The following PCDH17 variants were observed in gnomAD, a reference collection of about 807,000 sequenced individuals.
PCDH17 encodes the protein protocadherin 17, also known as protocadherin-17.
PCDH17 carries 21 observed loss-of-function variants against 67.7 expected under a neutral mutation model. That is an observed-to-expected ratio of 0.31 (90% confidence interval 0.22 to 0.45). PCDH17 has a LOEUF of 0.45. Among genes scored for constraint, PCDH17 ranks in the 20% least tolerant of loss-of-function variants. The pLI, the probability that PCDH17 is intolerant of heterozygous loss-of-function variation, is 1.00. For synonymous variants in PCDH17, 701 were observed against 656.7 expected, an observed-to-expected ratio of 1.07 and a Z score of -1.03; for missense variants, 1,471 against 1,564.8, an observed-to-expected ratio of 0.94 and a Z score of 1.01.
chr13:57,720,576 G>A (rs1001781813), intron 3 of PCDH17, among the ~76,000 whole-genome samples: 2 of 151,982 alleles, frequency 1.3e-5, no homozygotes, highest in Middle Eastern at 6.8e-3. Context: ...AGAACTTCCT[G>A]TGATTCACCT....
intron 1 of PCDH17, among the ~76,000 whole-genome samples, chr13:57,648,606 C>G (rs191465106): frequency 2.1e-3 from 312 of 152,050 alleles, no homozygotes; most frequent in Middle Eastern, 0.01. Context: ...AATCTTGGAT[C>G]TGCTTAAAAG....
intron 3 of PCDH17, among the ~76,000 whole-genome samples, chr13:57,706,316 A>G (rs1955721053): frequency 6.6e-6 from 1 of 152,140 alleles, no homozygotes; most frequent in Non-Finnish European, 1.5e-5. Context: ...GAACCATAAA[A>G]TGGAAGACAA....
chr13:57,678,126 A>ACT (rs1174624547), intron 3 of PCDH17, among the ~76,000 whole-genome samples: 1 of 143,962 alleles, frequency 6.9e-6, no homozygotes, highest in Non-Finnish European at 1.5e-5. Context: ...TAACTATTTC[A>ACT]CTCTCTCTCT....
intron 3 of PCDH17, among the ~76,000 whole-genome samples, chr13:57,684,641 T>C (rs1226793839): frequency 2.0e-5 from 3 of 151,998 alleles, no homozygotes; most frequent in African/African-American, 7.2e-5. Flanking sequence ...CCATCATTTT[T>C]AAAATGTTGA....
chr13:57,643,138 T>C (rs566437489), intron 1 of PCDH17, among the ~76,000 whole-genome samples: 2 of 151,754 alleles, frequency 1.3e-5, no homozygotes, highest in South Asian at 4.1e-4. Context: ...TATGTATTAC[T>C]GAATTTATAA....
intron 1 of PCDH17, among the ~76,000 whole-genome samples, chr13:57,641,571 AAAAAAAAAAAAAAAAAATATATAT>A (rs1215954703): frequency 2.7e-3 from 90 of 33,080 alleles, no homozygotes; most frequent in Middle Eastern, 0.036. Flanking sequence ...AAAAAAAAAA[AAAAAAAAAAAAAAAAAATATATAT>A]ATATATATAT....
intron 3 of PCDH17, among the ~76,000 whole-genome samples, chr13:57,669,311 T>G (rs1020616582): frequency 1.3e-5 from 2 of 152,048 alleles, no homozygotes; most frequent in African/African-American, 4.8e-5. Flanking sequence ...AATTAGAGCC[T>G]GCCTTTAAGT....
chr13:57,659,131 G>A lies in PCDH17; in HGVS notation c.2566-7337G>A, dbSNP rs61961868. On this transcript the variant is annotated intron_variant, in intron 1 of 3. Transcript: ENST00000377918. ...TGTGTGTGTGTGTGTGTGTGTGTGT[G>A]TATACACACACACTCACATATATAA... is the stretch of plus-strand genomic sequence containing the variant. 3.6e-3 allele frequency among the ~76,000 whole-genome samples: 536 copies of A among 150,694 alleles called. 3 individuals carry two copies. The highest frequency in any genetic ancestry group is 4.7e-3 in the East Asian group (24 of 5,108).
At chr13:57,642,988 T>G (rs1954922612) in intron 1 of PCDH17, among the ~76,000 whole-genome samples, 1 of 151,622 alleles carries the variant, frequency 6.6e-6, no homozygotes, top group East Asian at 1.9e-4. Flanking sequence ...TTAAAAATCA[T>G]AGTCCCCAAT....
intron 3 of PCDH17, among the ~76,000 whole-genome samples, chr13:57,670,571 A>AAT: frequency 1.3e-5 from 2 of 149,896 alleles, no homozygotes; most frequent in East Asian, 1.9e-4. Context: ...ATAATTTAAA[A>AAT]ATATATATAT....
intron 3 of PCDH17, among the ~76,000 whole-genome samples, chr13:57,720,336 C>T (rs1001804658): frequency 1.3e-5 from 2 of 151,896 alleles, no homozygotes; most frequent in Non-Finnish European, 2.9e-5. Context: ...TTGATCTAAT[C>T]ATAGGTTTTG....
chr13:57,728,517 T>TAAAAAAAAAAA lies in PCDH17; in HGVS notation c.*3236_*3246dup, dbSNP rs146333612. Reference sequence around the variant, plus strand: ...TTCTAAAAATTGCTTGCAGATGAGCTAAAAAAAAAAAAAAAAAAAAAAAGC... The same window carrying TAAAAAAAAAAA: ...TTCTAAAAATTGCTTGCAGATGAGCTAAAAAAAAAAAAAAAAAAAAAAAAAAAAAAAAAAGC... On this transcript the variant is annotated 3_prime_UTR_variant, in exon 4 of 4. Coordinates refer to ENST00000377918, the MANE Select transcript of PCDH17 (RefSeq NM_001040429.3). The TAAAAAAAAAAA allele has an allele frequency of 2.0e-4, 14 of 70,798 alleles. No individual in the cohort carries two copies. Among genetic ancestry groups the TAAAAAAAAAAA allele is most frequent in the Admixed American group, 3.5e-4 (2 of 5,796 alleles). The allele number at this position is 70,798 out of a possible 1,614,324, so 4.4% of individuals were successfully genotyped here. A position where few individuals can be genotyped will look rare whatever the true frequency, so the allele number is the denominator to read the frequency against.
At chr13:57,709,191 T>C (rs1285003011) in intron 3 of PCDH17, among the ~76,000 whole-genome samples, 2 of 151,566 alleles carry the variant, frequency 1.3e-5, no homozygotes, top group African/African-American at 4.8e-5. Flanking sequence ...TTACAAATAG[T>C]GTCTTGTTTC....
intron 3 of PCDH17, among the ~76,000 whole-genome samples, chr13:57,689,917 T>C (rs2138060009): frequency 6.6e-6 from 1 of 151,970 alleles, no homozygotes; most frequent in East Asian, 1.9e-4. Context: ...TAATATACTG[T>C]TAAAGATATG....
At chr13:57,689,224 G>A (rs1398109187) in intron 3 of PCDH17, among the ~76,000 whole-genome samples, 1 of 152,040 alleles carries the variant, frequency 6.6e-6, no homozygotes, top group Non-Finnish European at 1.5e-5. Flanking sequence ...AGGGGAATAT[G>A]TCATTCTAGT....
chr13:57,705,892 G>T (rs1440109611), intron 3 of PCDH17, among the ~76,000 whole-genome samples: 3 of 151,942 alleles, frequency 2.0e-5, no homozygotes, highest in Non-Finnish European at 4.4e-5. Context: ...GCGCATGCCT[G>T]TAATCCCAGC....
Position 57,725,541 on chromosome 13 carries a change from G to T in PCDH17, c.*247G>T. The T allele has an allele frequency of 2.6e-6, 1 of 386,220 alleles. No homozygotes were observed. The highest frequency in any genetic ancestry group is 4.6e-6 in the Non-Finnish European group (1 of 217,136). The allele number at this position is 386,220 out of a possible 1,614,324, so 23.9% of individuals were successfully genotyped here. A position where few individuals can be genotyped will look rare whatever the true frequency, so the allele number is the denominator to read the frequency against. ...GAATTAATGATGCTTAAAGAGAAAA[G>T]AAAAAAAGAGAGAAGAAAAAGGAGA... On this transcript the variant is annotated 3_prime_UTR_variant, in exon 4 of 4. Coordinates refer to ENST00000377918, the MANE Select transcript of PCDH17 (RefSeq NM_001040429.3).
intron 3 of PCDH17, among the ~76,000 whole-genome samples, chr13:57,717,959 A>G (rs1955836256): frequency 6.6e-6 from 1 of 151,938 alleles, no homozygotes; most frequent in Admixed American, 6.6e-5. Flanking sequence ...TCATTATATC[A>G]CTGCCAACAT....
rs752526754 is a variant in PCDH17 at position 57,633,450 on chromosome 13, C to T, written c.904C>T (p.Leu302=). Residue 302 remains leucine (L), a synonymous_variant, in exon 1 of 4, where the codon CTA becomes TTA. Transcript: ENST00000377918. The surrounding 1 kb of genome is among the most constrained non-coding windows in gnomAD (Gnocchi z 6.2). ...ELFSIDPKTG[L]IRVKGNLDYE... Reference sequence around the variant, plus strand: ...CTTCTCCATCGACCCCAAGACCGGCCTAATCCGTGTGAAGGGCAATCTGGA... The same window carrying T: ...CTTCTCCATCGACCCCAAGACCGGCTTAATCCGTGTGAAGGGCAATCTGGA... 1.1e-5 allele frequency: 18 copies of T among 1,613,562 alleles called. No individual in the cohort carries two copies. The Admixed American group carries it at 2.8e-4, about 25-fold the overall frequency.
Sources: gnomAD v4.1 joint callset for allele counts (sites outside exome capture counted in the v4.1 genomes callset) on GRCh38, gnomAD v4.1.1 for gene constraint, Gnocchi (gnomAD v3.1) non-coding constraint, MANE v1.5 for transcripts, NCBI Gene and HGNC (gene_info 2026-07-23, HGNC 2026-07-21) for gene names.